MAD1L1: variants seen among roughly 807,000 people sequenced by gnomAD.
MAD1L1 encodes the protein mitotic arrest deficient 1 like 1.
A neutral mutation model predicts 96.9 loss-of-function variants in MAD1L1; 95 were observed. That is an observed-to-expected ratio of 0.98 (90% CI 0.83 to 1.16). The LOEUF (loss-of-function observed/expected upper bound fraction) is 1.16, where lower values mean the gene tolerates loss of function less well. Among genes scored for constraint, MAD1L1 ranks in the 50% most tolerant of loss-of-function variants. The pLI, the probability that MAD1L1 is intolerant of heterozygous loss-of-function variation, is 0.00. For missense variants in MAD1L1, 1,007 were observed against 954.4 expected, an observed-to-expected ratio of 1.06 and a Z score of -0.73; for synonymous variants, 473 against 396.6, an observed-to-expected ratio of 1.19 and a Z score of -2.29.
rs371356604 is a variant in MAD1L1 at position 2,108,945 on chromosome 7, C to T, written c.1074-39607G>A. ...GAAGTGCAGGGCCCCCGCGAGGGCT[C>T]GCAGGAAGAGCACGGGACAGACCAA... On this transcript the variant is annotated intron_variant, in intron 11 of 18. Coordinates refer to ENST00000265854, the MANE Select transcript of MAD1L1 (RefSeq NM_001013836.2). 8.5e-5 allele frequency among the ~76,000 whole-genome samples: 13 copies of T among 152,358 alleles called. No homozygotes were observed. The East Asian group carries it at 1.2e-3, about 14-fold the overall frequency.
intron 18 of MAD1L1, among the ~76,000 whole-genome samples, chr7:1,870,613 T>C (rs1785014927): frequency 7.4e-6 from 1 of 134,832 alleles, no homozygotes; most frequent in East Asian, 2.3e-4. Flanking sequence ...CCTGCCACGC[T>C]GAACCCAACA....
At chr7:1,844,550 G>A (rs913252692) in intron 18 of MAD1L1, among the ~76,000 whole-genome samples, 4 of 152,278 alleles carry the variant, frequency 2.6e-5, no homozygotes, top group African/African-American at 9.6e-5. Context: ...GCAGGCAGGG[G>A]ACGCAGCTTG....
At position 1,817,760 on chromosome 7, in the gene MAD1L1, C is replaced by T. The variant is rs1382837492; in HGVS notation, c.1999-1532G>A. Among the ~76,000 whole-genome samples the T allele has an allele frequency of 3.9e-5, 6 of 152,116 alleles. No individual in the cohort carries two copies. In the East Asian group the frequency reaches 1.2e-3, roughly 29 times the overall value. ...CCGTTTTGGAAAGCGCTCCCTCCGC[C>T]CGGCAGCCCTCTGGGAACCCTCCCC... is the stretch of plus-strand genomic sequence containing the variant. On this transcript the variant is annotated intron_variant, in intron 18 of 18. Transcript: ENST00000265854.
chr7:2,168,655 G>C lies in MAD1L1; in HGVS notation c.987-19417C>G, dbSNP rs1048966827. Among the ~76,000 whole-genome samples, 8 of 152,380 alleles carry C rather than the reference G, an allele frequency of 5.3e-5. No homozygotes were observed. The East Asian group carries it at 1.4e-3, about 26-fold the overall frequency. The stretch of plus-strand genomic sequence containing the variant: ...AATCGCCTAAGAATCTCTTCCTTCT[G>C]ATGATGTGGCTGGTGTGGGTGAACC... On this transcript the variant is annotated intron_variant, in intron 10 of 18. Coordinates refer to ENST00000265854, the MANE Select transcript of MAD1L1 (RefSeq NM_001013836.2).
intron 18 of MAD1L1, among the ~76,000 whole-genome samples, chr7:1,857,482 C>A (rs1047461908): frequency 6.6e-6 from 1 of 152,196 alleles, no homozygotes; most frequent in Non-Finnish European, 1.5e-5. Context: ...CCCCACCCCG[C>A]GTGTGCAGCT....
At chr7:1,854,113 C>A (rs941742476) in intron 18 of MAD1L1, among the ~76,000 whole-genome samples, 1 of 152,158 alleles carries the variant, frequency 6.6e-6, no homozygotes, top group African/African-American at 2.4e-5. Flanking sequence ...TGGCGGAGGC[C>A]ACATCACTCA....
chr7:2,110,576 G>A (rs369656244), intron 11 of MAD1L1, among the ~76,000 whole-genome samples: 42 of 152,304 alleles, frequency 2.8e-4, no homozygotes, highest in African/African-American at 8.9e-4. Flanking sequence ...TGACTCAGAC[G>A]TGCGGCAGAT....
At chr7:1,916,642 G>T (rs1416543471) in intron 17 of MAD1L1, among the ~76,000 whole-genome samples, 1 of 152,200 alleles carries the variant, frequency 6.6e-6, no homozygotes. Context: ...GTCAGCAGCT[G>T]CCCAGGCCAG....
At chr7:2,136,783 C>G (rs1788774733) in intron 11 of MAD1L1, among the ~76,000 whole-genome samples, 1 of 152,218 alleles carries the variant, frequency 6.6e-6, no homozygotes, top group Non-Finnish European at 1.5e-5. Flanking sequence ...ACTCCAATCG[C>G]CTGATGGCAC....
Position 1,932,697 on chromosome 7 carries a change from A to G in MAD1L1, c.1807+3990T>C, listed in dbSNP as rs115627060. Among the ~76,000 whole-genome samples the G allele has an allele frequency of 6.5e-3, 987 of 152,286 alleles. 11 individuals carry two copies. The highest frequency in any genetic ancestry group is 0.022 in the African/African-American group (915 of 41,546). ...CGCACACTGTGCGGGTCTATCCCCA[A>G]CCACAGACAGCCCAGTCTGAGCCTC... On this transcript the variant is annotated intron_variant, in intron 17 of 18. Coordinates refer to ENST00000265854, the MANE Select transcript of MAD1L1 (RefSeq NM_001013836.2).
intron 10 of MAD1L1, among the ~76,000 whole-genome samples, chr7:2,162,372 A>T (rs1185898715): frequency 1.3e-5 from 2 of 152,128 alleles, no homozygotes; most frequent in African/African-American, 2.4e-5. Flanking sequence ...GCTTTGTTAA[A>T]CAGATGCTTG....
At chr7:1,893,215 G>A (rs567525866) in intron 18 of MAD1L1, among the ~76,000 whole-genome samples, 6 of 152,296 alleles carry the variant, frequency 3.9e-5, no homozygotes, top group African/African-American at 1.4e-4. Context: ...CAGGCAGCCA[G>A]CTCCCTCCAC....
At chr7:2,211,355 C>G (rs1028168853) in intron 10 of MAD1L1, among the ~76,000 whole-genome samples, 5 of 152,222 alleles carry the variant, frequency 3.3e-5, no homozygotes, top group African/African-American at 1.2e-4. Flanking sequence ...GCAGGGCGCT[C>G]AGATGCGGGA....
At chr7:1,962,147 C>G (rs1346132935) in intron 15 of MAD1L1, among the ~76,000 whole-genome samples, 1 of 149,872 alleles carries the variant, frequency 6.7e-6, no homozygotes, top group African/African-American at 2.5e-5. Flanking sequence ...GGGAAGGACA[C>G]GGTGGGAGAT....
At chr7:2,223,178 G>A (rs934507458) in intron 4 of MAD1L1, among the ~76,000 whole-genome samples, 2 of 152,170 alleles carry the variant, frequency 1.3e-5, no homozygotes, top group Non-Finnish European at 2.9e-5. Flanking sequence ...CTCCCCCAGC[G>A]AGCAGACAAC....
chr7:2,206,366 T>C lies in MAD1L1; in HGVS notation c.986+6846A>G, dbSNP rs1792597573. Among the ~76,000 whole-genome samples, 5 of 152,382 alleles carry C rather than the reference T, an allele frequency of 3.3e-5. No individual in the cohort carries two copies. The South Asian group carries it at 1.0e-3, about 32-fold the overall frequency. On this transcript the variant is annotated intron_variant, in intron 10 of 18. Coordinates refer to ENST00000265854, the MANE Select transcript of MAD1L1 (RefSeq NM_001013836.2). ...AGTCTAATTTATCAATTTTTTCATT[T>C]ATGGTTCATGTTCGTTGTATTGTAA...
intron 18 of MAD1L1, among the ~76,000 whole-genome samples, chr7:1,878,624 C>G (rs773873789): frequency 6.0e-5 from 9 of 150,570 alleles, no homozygotes; most frequent in Admixed American, 2.0e-4. Context: ...CAGAAGGGAA[C>G]TTTCTCAGCC....
At chr7:1,838,987 T>G (rs1022865376) in intron 18 of MAD1L1, 1 of 366,834 alleles carries the variant, frequency 2.7e-6, no homozygotes, top group South Asian at 2.1e-5. Context: ...GACCCCAGAT[T>G]TGAGGCAGCC....
At chr7:1,864,042 G>A (rs985235745) in intron 18 of MAD1L1, among the ~76,000 whole-genome samples, 19 of 152,162 alleles carry the variant, frequency 1.2e-4, no homozygotes, top group African/African-American at 4.6e-4. Flanking sequence ...GCAGTGAGCC[G>A]AGATCGCGCC....
Sources: gnomAD v4.1 joint callset for allele counts (sites outside exome capture counted in the v4.1 genomes callset) on GRCh38, gnomAD v4.1.1 for gene constraint, MANE v1.5 for transcripts, NCBI Gene and HGNC (gene_info 2026-07-23, HGNC 2026-07-21) for gene names.